The following SLC9A9 variants were observed in gnomAD, a reference collection of about 807,000 sequenced individuals.
SLC9A9 encodes solute carrier family 9 member A9, also known as sodium/hydrogen exchanger 9.
In SLC9A9, 62 loss-of-function variants were observed where a neutral mutation model predicts 77.8. The ratio of observed to expected loss-of-function variants is 0.80; its 90% CI spans 0.65 to 0.98. The LOEUF (loss-of-function observed/expected upper bound fraction) is 0.98. Ranked by LOEUF, SLC9A9 falls within the 50% of genes least tolerant of loss-of-function variation. The pLI is 0.00. For synonymous variants in SLC9A9, 320 were observed against 283.5 expected (o/e 1.13, Z -1.29); for missense variants, 775 against 774.9 (o/e 1.00, Z 0.00).
At chr3:143,838,593 T>G (rs544817084) in intron 1 of SLC9A9, among the ~76,000 whole-genome samples, 56 of 152,306 alleles carry the variant, frequency 3.7e-4, no homozygotes, top group African/African-American at 1.3e-3. Context: ...AACATCATAT[T>G]TAGTCTATAT....
chr3:143,694,931 C>T (rs1029347310), intron 4 of SLC9A9, among the ~76,000 whole-genome samples: 2 of 152,092 alleles, frequency 1.3e-5, no homozygotes, highest in Non-Finnish European at 2.9e-5. Flanking sequence ...CCCAACATTG[C>T]TTTGCAAAGC....
chr3:143,517,904 T>A, intron 9 of SLC9A9: 2 of 1,520,158 alleles, frequency 1.3e-6, no homozygotes, highest in Non-Finnish European at 1.8e-6. Flanking sequence ...ATCCATCATC[T>A]CCTCCGTTAT....
intron 8 of SLC9A9, among the ~76,000 whole-genome samples, chr3:143,552,799 G>A (rs1388991983): frequency 1.3e-5 from 2 of 152,144 alleles, no homozygotes; most frequent in Admixed American, 1.3e-4. Context: ...CATAGCCAGT[G>A]CCAACTACTT....
intron 6 of SLC9A9, among the ~76,000 whole-genome samples, chr3:143,616,271 A>T (rs1352934202): frequency 6.6e-6 from 1 of 152,210 alleles, no homozygotes; most frequent in African/African-American, 2.4e-5. Context: ...AAGGTTGGTT[A>T]CCTGATTTTA....
intron 8 of SLC9A9, among the ~76,000 whole-genome samples, chr3:143,560,522 C>A (rs1159621623): frequency 6.6e-6 from 1 of 152,112 alleles, no homozygotes; most frequent in Non-Finnish European, 1.5e-5. Flanking sequence ...CTTTTCCTAG[C>A]TTTCCAGAAT....
At chr3:143,743,485 A>G (rs78800515) in intron 4 of SLC9A9, among the ~76,000 whole-genome samples, 3,254 of 152,302 alleles carry the variant, frequency 0.021, 121 homozygotes, top group African/African-American at 0.074. Context: ...CTGCAGTCCA[A>G]GGGCCTAACA....
At chr3:143,535,929 C>A (rs977537269) in intron 9 of SLC9A9, among the ~76,000 whole-genome samples, 3 of 152,144 alleles carry the variant, frequency 2.0e-5, no homozygotes, top group Non-Finnish European at 4.4e-5. Flanking sequence ...AGAAACACAG[C>A]TGATGAGATT....
intron 9 of SLC9A9, chr3:143,504,346 G>A: frequency 5.9e-6 from 1 of 169,348 alleles, no homozygotes; most frequent in Non-Finnish European, 1.3e-5. Context: ...GAAGAGAGCT[G>A]CTCCTCGGAT....
chr3:143,266,118 G>C lies in SLC9A9; in HGVS notation c.*584C>G, dbSNP rs1167171880. The C allele has an allele frequency of 1.4e-5, 10 of 702,114 alleles. No individual in the cohort carries two copies. Among genetic ancestry groups the C allele is most frequent in the African/African-American group, 3.5e-5 (2 of 57,236 alleles). The allele number at this position is 702,114 out of a possible 1,614,324, so 43.5% of individuals were successfully genotyped here. A position where few individuals can be genotyped will look rare whatever the true frequency, so the allele number is the denominator to read the frequency against. On this transcript the variant is annotated 3_prime_UTR_variant, in exon 16 of 16. Transcript: ENST00000316549. ...AAGAAGGATGCCAAGAAGAACAATA[G>C]GTTCTTCAACTCAGTGTGGGCTCTG... is the stretch of plus-strand genomic sequence containing the variant.
rs1008709820 is a variant in SLC9A9 at position 143,393,770 on chromosome 3, T to A, written c.1470-11656A>T. On this transcript the variant is annotated intron_variant, in intron 12 of 15. Transcript: ENST00000316549. ...GCAATAAAAAATGATAAAGAGGATA[T>A]CACCACCGATCCCACAGAAATACAA... Among the ~76,000 whole-genome samples the A allele has an allele frequency of 2.2e-4, 34 of 151,468 alleles. No individual in the cohort carries two copies. The East Asian group carries it at 5.4e-3, about 24-fold the overall frequency.
chr3:143,301,241 C>A (rs563196159), intron 14 of SLC9A9, among the ~76,000 whole-genome samples: 2 of 152,188 alleles, frequency 1.3e-5, no homozygotes, highest in African/African-American at 2.4e-5. Context: ...TTGACATTTG[C>A]GCAAAATGCA....
chr3:143,321,969 G>T (rs948290777), intron 14 of SLC9A9, among the ~76,000 whole-genome samples: 1 of 152,158 alleles, frequency 6.6e-6, no homozygotes, highest in East Asian at 1.9e-4. Context: ...ACCCTAACTG[G>T]ATCATCTTTT....
chr3:143,297,207 G>A (rs1283347142), intron 14 of SLC9A9, among the ~76,000 whole-genome samples: 2 of 152,080 alleles, frequency 1.3e-5, no homozygotes, highest in Non-Finnish European at 2.9e-5. Flanking sequence ...TGTGGTGTAG[G>A]GATCTGACTT....
chr3:143,745,023 T>C lies in SLC9A9; in HGVS notation c.533+49978A>G, dbSNP rs974543221. Among the ~76,000 whole-genome samples the C allele has an allele frequency of 2.0e-5, 3 of 152,192 alleles. 1 individual carries two copies. The East Asian group carries it at 5.8e-4, about 29-fold the overall frequency. On this transcript the variant is annotated intron_variant, in intron 4 of 15. Coordinates refer to ENST00000316549, the MANE Select transcript of SLC9A9 (RefSeq NM_173653.4). ...ATTTGTTCAACTTCACCATCCTCTT[T>C]TGTTGTTTACTGCTTCAACTTTGAA...
chr3:143,393,180 G>A (rs1559895856), intron 12 of SLC9A9, among the ~76,000 whole-genome samples: 1 of 152,058 alleles, frequency 6.6e-6, no homozygotes. Flanking sequence ...TTCCAAAATT[G>A]ACCACATAGT....
chr3:143,541,384 T>G lies in SLC9A9; in HGVS notation c.1089+10978A>C, dbSNP rs1376565585. 2.0e-5 allele frequency among the ~76,000 whole-genome samples: 3 copies of G among 152,100 alleles called. 1 individual carries two copies. The highest frequency in any genetic ancestry group is 4.4e-5 in the Non-Finnish European group (3 of 68,022). On this transcript the variant is annotated intron_variant, in intron 9 of 15. Coordinates refer to ENST00000316549, the MANE Select transcript of SLC9A9 (RefSeq NM_173653.4). ...AGAATTCTCTAGCCCCAGCCAAACC[T>G]TGAGACACGGAAGCCCTGATCAACA...
At chr3:143,583,721 T>C (rs1218278789) in intron 6 of SLC9A9, among the ~76,000 whole-genome samples, 5 of 152,226 alleles carry the variant, frequency 3.3e-5, no homozygotes, top group Admixed American at 3.3e-4. Flanking sequence ...TCTCACCCAG[T>C]AAGAACTAGA....
chr3:143,767,208 T>C (rs115616037), intron 4 of SLC9A9, among the ~76,000 whole-genome samples: 2,837 of 152,274 alleles, frequency 0.019, 98 homozygotes, highest in African/African-American at 0.064. Context: ...TCCAACTTCC[T>C]GCATGTTATT....
intron 14 of SLC9A9, among the ~76,000 whole-genome samples, chr3:143,308,932 A>T (rs893217574): frequency 2.6e-5 from 4 of 152,170 alleles, no homozygotes; most frequent in African/African-American, 9.7e-5. Flanking sequence ...AGCTTCTCTT[A>T]GGCTCAGTTT....
Sources: gnomAD v4.1 joint callset for allele counts (sites outside exome capture counted in the v4.1 genomes callset) on GRCh38, gnomAD v4.1.1 for gene constraint, MANE v1.5 for transcripts, NCBI Gene and HGNC (gene_info 2026-07-23, HGNC 2026-07-21) for gene names.